The following RNF213 variants were observed in gnomAD, a reference collection of about 807,000 sequenced individuals.
RNF213 encodes E3 ubiquitin-protein ligase RNF213.
Under a neutral mutation model 514.4 loss-of-function variants are expected in RNF213, and 341 were observed. The ratio of observed to expected loss-of-function variants is 0.66; its 90% confidence interval spans 0.61 to 0.73. RNF213 has a LOEUF of 0.73. Among genes scored for constraint, RNF213 ranks in the 30% least tolerant of loss-of-function variants. RNF213 has a pLI of 0.00. For missense variants in RNF213, 5,767 were observed against 6,615.6 expected (o/e 0.87, Z 4.45); for synonymous variants, 2,655 against 2,658.2 (o/e 1.00, Z 0.04).
intron 57 of RNF213, 140 bp downstream of exon 57, chr17:80,381,867 C>T (rs951921755): frequency 4.9e-5 from 42 of 853,362 alleles, no homozygotes; most frequent in Middle Eastern, 4.4e-4. Context: ...AGAGAACACA[C>T]AGAGAGAAAA....
chr17:80,262,071 T>C (rs999762591), intron 1 of RNF213, among the ~76,000 whole-genome samples: 6 of 152,008 alleles, frequency 3.9e-5, no homozygotes, highest in African/African-American at 1.5e-4. Flanking sequence ...CAGTGTAGCA[T>C]TGGAGAAGGA....
intron 23 of RNF213, 39 bp downstream of exon 23, chr17:80,336,417 T>C: frequency 6.6e-7 from 1 of 1,516,892 alleles, no homozygotes; most frequent in South Asian, 1.2e-5. Flanking sequence ...TTTTGTTGAA[T>C]AGAGCATTGC....
rs2078278096 is a variant in RNF213 at position 80,345,439 on chromosome 17, G to T, written c.7104G>T (p.Leu2368=). The change falls in exon 29 of 68, where the codon CTG becomes CTT. Residue 2368 remains leucine, a synonymous_variant. Transcript: ENST00000582970. The surrounding 1 kb of genome is among the most constrained non-coding windows in gnomAD (Gnocchi z 6.0). ...RVPFNVDFDK[L]PRHKKLERLC... ...CCTTCAATGTCGACTTTGATAAACT[G>T]CCCAGACACAAGAAACTTGAGAGGC... is the stretch of plus-strand genomic sequence containing the variant. 6.2e-7 allele frequency: 1 copy of T among 1,612,738 alleles called. No homozygotes were observed. The highest frequency in any genetic ancestry group is 1.1e-5 in the South Asian group (1 of 91,022).
At chr17:80,319,420 C>T in intron 17 of RNF213, 108 bp downstream of exon 17, 1 of 1,614,232 alleles carries the variant, frequency 6.2e-7, no homozygotes, top group South Asian at 1.1e-5. Flanking sequence ...CCTCCGCTAA[C>T]TCAGAGATTG....
chr17:80,328,567 T>C (rs912837547), intron 20 of RNF213, 90 bp downstream of exon 20: 7 of 1,337,800 alleles, frequency 5.2e-6, no homozygotes, highest in Non-Finnish European at 5.9e-6. Context: ...CAGATCTTTA[T>C]TTTGGAGAGA....
chr17:80,393,266 CCA>C (rs2144686136), intron 67 of RNF213, 77 bp from the exon 68 acceptor site: 1 of 1,160,030 alleles, frequency 8.6e-7, no homozygotes, highest in South Asian at 1.2e-5. Context: ...CACACGTGAG[CCA>C]CACAGTGCTG....
chr17:80,268,298 G>A (rs758560639), intron 2 of RNF213, among the ~76,000 whole-genome samples: 1 of 147,704 alleles, frequency 6.8e-6, no homozygotes, highest in Non-Finnish European at 1.5e-5. Flanking sequence ...ACGCTGCAGT[G>A]AGCCGTGATC....
At chr17:80,318,857 G>A (rs1194372878) in intron 16 of RNF213, among the ~76,000 whole-genome samples, 1 of 152,254 alleles carries the variant, frequency 6.6e-6, no homozygotes, top group African/African-American at 2.4e-5. Context: ...ACAGGCGTGA[G>A]CCACCGCGCC....
rs1480710073 is a variant in RNF213 at position 80,369,814 on chromosome 17, G to A, written c.12372G>A (p.Val4124=). The A allele has an allele frequency of 2.5e-6, 4 of 1,613,776 alleles. No homozygotes were observed. Among genetic ancestry groups the A allele is most frequent in the Non-Finnish European group, 3.4e-6 (4 of 1,179,866 alleles). The change falls in exon 46 of 68, where the codon GTG becomes GTA. Residue 4124 remains valine, a synonymous_variant. Transcript: ENST00000582970. ...CTCTCTCTCCATTCAATGATGTTGT[G>A]GATAAGACTCCTGTCATCCGCTCAG... The part of the protein sequence containing the change: ...TKSLSPFNDV[V]DKTPVIRSVI...
At chr17:80,274,859 TGG>T (rs1248881222) in intron 3 of RNF213, among the ~76,000 whole-genome samples, 3 of 24,466 alleles carry the variant, frequency 1.2e-4, no homozygotes, top group Admixed American at 5.0e-4. Context: ...GGGTGTGTGT[TGG>T]GGGGTGTGTG....
In RNF213 at chr17:80,390,061, A is replaced by C; in HGVS notation, c.15335A>C (p.Glu5112Ala). 1 of 1,614,236 alleles carries C rather than the reference A, an allele frequency of 6.2e-7. No individual in the cohort carries two copies. Among genetic ancestry groups the C allele is most frequent in the South Asian group, 1.1e-5 (1 of 91,080 alleles). ...AGGTACAAAGCGGATCTGAGCCCGG[A>C]AAATGCTAAGCTCCTCAGCACATTC... ...SSRYKADLSP[E>A]NAKLLSTFLN... is the part of the protein sequence containing the mutation. The change falls in exon 67 of 68, where the codon GAA becomes GCA. Residue 5112 changes from glutamate to alanine, a missense_variant. Around this residue, in one of 13 missense-constraint regions of RNF213, gnomAD observed 1,245 missense variants for 1,339.0 expected, o/e 0.93. Coordinates refer to ENST00000582970, the MANE Select transcript of RNF213 (RefSeq NM_001256071.3).
intron 59 of RNF213, 134 bp from the exon 60 acceptor site, chr17:80,384,905 G>GC: frequency 1.1e-6 from 1 of 931,422 alleles, no homozygotes. Flanking sequence ...CAAGCTCCAC[G>GC]CTGCATCACA....
At chr17:80,374,427 T>G in intron 49 of RNF213, 31 bp from the exon 50 acceptor site, 2 of 1,613,846 alleles carry the variant, frequency 1.2e-6, no homozygotes, top group Non-Finnish European at 1.7e-6. Context: ...TTCCTCCCAT[T>G]GTTCACCCCC....
intron 17 of RNF213, among the ~76,000 whole-genome samples, chr17:80,324,687 A>G (rs2046233201): frequency 6.6e-6 from 1 of 152,150 alleles, no homozygotes; most frequent in Non-Finnish European, 1.5e-5. Context: ...TATATGCTAT[A>G]TTAAGGGTTT....
At chr17:80,312,369 G>T (rs903666432) in intron 14 of RNF213, among the ~76,000 whole-genome samples, 1 of 152,156 alleles carries the variant, frequency 6.6e-6, no homozygotes, top group Non-Finnish European at 1.5e-5. Flanking sequence ...GGTCTGGTGG[G>T]TCCGGCACGG....
chr17:80,321,863 C>G (rs2046146706), intron 17 of RNF213, among the ~76,000 whole-genome samples: 1 of 152,046 alleles, frequency 6.6e-6, no homozygotes, highest in African/African-American at 2.4e-5. Flanking sequence ...GTAGCTGGGA[C>G]TACAGGCATG....
At chr17:80,368,866 CTG>C (rs1180915724) in intron 44 of RNF213, among the ~76,000 whole-genome samples, 1 of 152,214 alleles carries the variant, frequency 6.6e-6, no homozygotes, top group Non-Finnish European at 1.5e-5. Flanking sequence ...CAGCCCGGCT[CTG>C]TGAGTGGTTG....
chr17:80,328,065 G>A lies in RNF213; in HGVS notation c.3367+76G>A, dbSNP rs1035447096. The A allele has an allele frequency of 1.5e-5, 22 of 1,488,078 alleles. No individual in the cohort carries two copies. The Admixed American group carries it at 4.0e-4, about 27-fold the overall frequency. The allele number at this position is 1,488,078 out of a possible 1,614,324, so 92.2% of individuals were successfully genotyped here. Reference sequence around the variant, plus strand: ...GGAAGACACGTTTGTGTTTGCGTGTGCATTTTTGTAAAGGAGATAATCATC... The same window carrying A: ...GGAAGACACGTTTGTGTTTGCGTGTACATTTTTGTAAAGGAGATAATCATC... On this transcript the variant is annotated intron_variant, in intron 19 of 67. Transcript: ENST00000582970.
intron 2 of RNF213, among the ~76,000 whole-genome samples, chr17:80,270,281 T>G (rs2043775797): frequency 6.6e-6 from 1 of 152,232 alleles, no homozygotes; most frequent in South Asian, 2.1e-4. Flanking sequence ...ACTTCCCTTG[T>G]CCTGCTGTTT....
Sources: allele counts gnomAD v4.1 joint callset (sites outside exome capture counted in the v4.1 genomes callset), GRCh38; gene constraint gnomAD v4.1.1; regional missense constraint gnomAD v4.1.1; non-coding constraint Gnocchi (gnomAD v3.1); transcripts MANE v1.5; gene names NCBI Gene and HGNC (gene_info 2026-07-23, HGNC 2026-07-21).